Variants in RABGAP1L observed in about 807,000 individuals in gnomAD.
RABGAP1L encodes rab GTPase-activating protein 1-like.
Under a neutral mutation model 137.7 loss-of-function variants are expected in RABGAP1L, and 63 were observed. The ratio of observed to expected loss-of-function variants is 0.46; its 90% CI spans 0.37 to 0.56. The LOEUF (loss-of-function observed/expected upper bound fraction) is 0.56, where lower values mean the gene tolerates loss of function less well. RABGAP1L is among the 20% of genes least tolerant of loss of function. The pLI, the probability that RABGAP1L is intolerant of heterozygous loss-of-function variation, is 0.00. For missense variants in RABGAP1L, 1,095 were observed against 1,244.0 expected, an observed-to-expected ratio of 0.88 and a Z score of 1.80; for synonymous variants, 431 against 433.7, an observed-to-expected ratio of 0.99 and a Z score of 0.08.
At chr1:174,441,265 C>T (rs72713586) in intron 13 of RABGAP1L, among the ~76,000 whole-genome samples, 1 of 151,556 alleles carries the variant, frequency 6.6e-6, no homozygotes, top group African/African-American at 2.4e-5. Flanking sequence ...TAATAAGATA[C>T]CTAATGACCC....
chr1:174,183,318 G>A (rs1321880001), intron 1 of RABGAP1L, among the ~76,000 whole-genome samples: 2 of 152,122 alleles, frequency 1.3e-5, no homozygotes, highest in Non-Finnish European at 2.9e-5. Context: ...GCTCACTGGG[G>A]TGTTGCTTTG....
intron 13 of RABGAP1L, among the ~76,000 whole-genome samples, chr1:174,399,742 G>C (rs1648321714): frequency 1.3e-5 from 2 of 152,218 alleles, no homozygotes; most frequent in South Asian, 2.1e-4. Flanking sequence ...TTCTTCTCAT[G>C]GTGGCAGAAA....
intron 17 of RABGAP1L, among the ~76,000 whole-genome samples, chr1:174,718,614 A>G (rs1480185901): frequency 6.6e-6 from 1 of 152,050 alleles, no homozygotes; most frequent in Non-Finnish European, 1.5e-5. Context: ...ATCATTTGTC[A>G]TCGTGTACTA....
chr1:174,798,273 GGC>G (rs1254212464), intron 18 of RABGAP1L, among the ~76,000 whole-genome samples: 5 of 151,504 alleles, frequency 3.3e-5, no homozygotes, highest in Non-Finnish European at 5.9e-5. Context: ...TGGGTGTGGT[GGC>G]GGGCGCTTGT....
At chr1:174,239,893 T>G (rs1368955199) in intron 4 of RABGAP1L, among the ~76,000 whole-genome samples, 1 of 152,200 alleles carries the variant, frequency 6.6e-6, no homozygotes, top group Non-Finnish European at 1.5e-5. Flanking sequence ...TGGGAAAACT[T>G]TTGCTAAATT....
intron 13 of RABGAP1L, among the ~76,000 whole-genome samples, chr1:174,520,551 A>G (rs908304662): frequency 6.6e-6 from 1 of 152,226 alleles, no homozygotes; most frequent in Non-Finnish European, 1.5e-5. Context: ...TCTACTTCAC[A>G]TTTGATTCTT....
intron 13 of RABGAP1L, among the ~76,000 whole-genome samples, chr1:174,567,028 TACTGATAAGTGTATAATTAC>T (rs899106819): frequency 3.3e-4 from 51 of 152,320 alleles, no homozygotes; most frequent in African/African-American, 1.1e-3. Flanking sequence ...ACATATTGTA[TACTGATAAGTGTATAATTAC>T]ACTGATAAGT....
intron 13 of RABGAP1L, among the ~76,000 whole-genome samples, chr1:174,563,715 T>A (rs1393272571): frequency 1.3e-5 from 2 of 151,994 alleles, no homozygotes; most frequent in Non-Finnish European, 2.9e-5. Context: ...TGGGGGAAAA[T>A]GATTTCACTT....
chr1:174,165,530 A>T, intron 1 of RABGAP1L, among the ~76,000 whole-genome samples: 1 of 148,592 alleles, frequency 6.7e-6, no homozygotes, highest in Non-Finnish European at 1.5e-5. Flanking sequence ...ACAGCATCTC[A>T]CTCCCGTTAC....
intron 13 of RABGAP1L, among the ~76,000 whole-genome samples, chr1:174,478,650 T>C (rs1658761055): frequency 6.6e-6 from 1 of 152,202 alleles, no homozygotes. Flanking sequence ...AATGCATTCA[T>C]ACATGGGGAA....
chr1:174,653,428 C>T (rs367825653), intron 14 of RABGAP1L, among the ~76,000 whole-genome samples: 99 of 152,270 alleles, frequency 6.5e-4, no homozygotes, highest in Non-Finnish European at 1.3e-3. Flanking sequence ...TGTAGGCATC[C>T]GAGGGAATGT....
At chr1:174,193,999 C>T (rs1639274595) in intron 1 of RABGAP1L, among the ~76,000 whole-genome samples, 1 of 152,000 alleles carries the variant, frequency 6.6e-6, no homozygotes, top group Admixed American at 6.6e-5. Flanking sequence ...AAAATTAAGG[C>T]ACGGAGAGAC....
At chr1:174,259,362 T>C (rs1673386648) in intron 7 of RABGAP1L, among the ~76,000 whole-genome samples, 1 of 152,204 alleles carries the variant, frequency 6.6e-6, no homozygotes, top group South Asian at 2.1e-4. Context: ...TTCTGAGGTA[T>C]AGGTACTATT....
chr1:174,262,777 G>C lies in RABGAP1L; in HGVS notation c.987-9637G>C, dbSNP rs78249922. Among the ~76,000 whole-genome samples the C allele has an allele frequency of 3.1e-3, 473 of 152,276 alleles. 17 individuals carry two copies. The East Asian group carries it at 0.066, about 21-fold the overall frequency. ...TCCAGTTACCAGGTTATTGCCCCTT[G>C]GCTCCAAATCTGTCCTCTTAGCTGA... On this transcript the variant is annotated intron_variant, in intron 7 of 25. Coordinates refer to ENST00000681986, the MANE Select transcript of RABGAP1L (RefSeq NM_001366446.1).
chr1:174,538,751 G>A (rs1572223578), intron 13 of RABGAP1L, among the ~76,000 whole-genome samples: 1 of 152,098 alleles, frequency 6.6e-6, no homozygotes, highest in Non-Finnish European at 1.5e-5. Flanking sequence ...TCTGACATAT[G>A]GCACAACTTA....
At chr1:174,974,130 A>G (rs1670434173) in intron 21 of RABGAP1L, among the ~76,000 whole-genome samples, 1 of 152,050 alleles carries the variant, frequency 6.6e-6, no homozygotes, top group African/African-American at 2.4e-5. Context: ...CTGGGACTAC[A>G]GGCACCTGCC....
chr1:174,458,002 T>C (rs1168528596), intron 13 of RABGAP1L, among the ~76,000 whole-genome samples: 2 of 152,150 alleles, frequency 1.3e-5, no homozygotes, highest in Non-Finnish European at 2.9e-5. Context: ...ATCAGGTTGC[T>C]ATTGTGTGCC....
chr1:174,719,678 T>G (rs1681328515), intron 17 of RABGAP1L, among the ~76,000 whole-genome samples: 1 of 152,184 alleles, frequency 6.6e-6, no homozygotes, highest in Non-Finnish European at 1.5e-5. Flanking sequence ...TGGGATGAAC[T>G]GCAGAGTACA....
At chr1:174,500,610 G>A (rs12075213) in intron 13 of RABGAP1L, among the ~76,000 whole-genome samples, 18,191 of 152,168 alleles carry the variant, frequency 0.12, 3,672 homozygotes, top group African/African-American at 0.41. Context: ...TATAGAAGTA[G>A]GGTATAGTAA....
Sources: allele counts gnomAD v4.1 joint callset (sites outside exome capture counted in the v4.1 genomes callset), GRCh38; gene constraint gnomAD v4.1.1; transcripts MANE v1.5; gene names NCBI Gene and HGNC (gene_info 2026-07-23, HGNC 2026-07-21).